Variants in AAK1 observed in about 807,000 individuals in gnomAD.
AAK1 encodes the protein AP2-associated protein kinase 1.
In AAK1, 37 loss-of-function variants were observed where a neutral mutation model predicts 116.0. That is an observed-to-expected ratio of 0.32 (90% CI 0.25 to 0.42). The LOEUF is 0.42. Among genes scored for constraint, AAK1 ranks in the 10% least tolerant of loss-of-function variants. AAK1 has a pLI of 1.00. For synonymous variants in AAK1, 458 were observed against 439.9 expected, an observed-to-expected ratio of 1.04 and a Z score of -0.51; for missense variants, 919 against 1,170.6, an observed-to-expected ratio of 0.79 and a Z score of 3.14.
chr2:69,505,318 T>C (rs930862971), intron 16 of AAK1, among the ~76,000 whole-genome samples: 14 of 152,218 alleles, frequency 9.2e-5, no homozygotes, highest in African/African-American at 3.1e-4. Context: ...AAGTCCTGCA[T>C]ATTACTGCCA....
chr2:69,543,450 CA>C (rs541841203), intron 4 of AAK1, among the ~76,000 whole-genome samples: 78 of 152,226 alleles, frequency 5.1e-4, no homozygotes, highest in African/African-American at 1.8e-3. Flanking sequence ...ACTCTGTTGC[CA>C]GGCTAGAGTG....
intron 2 of AAK1, among the ~76,000 whole-genome samples, chr2:69,567,081 C>A (rs1671905836): frequency 6.6e-6 from 1 of 152,248 alleles, no homozygotes; most frequent in Admixed American, 6.5e-5. Flanking sequence ...CTAGCTCATA[C>A]ACCTCCACCT....
At chr2:69,546,715 C>T (rs1292696766) in intron 3 of AAK1, among the ~76,000 whole-genome samples, 1 of 152,106 alleles carries the variant, frequency 6.6e-6, no homozygotes, top group Non-Finnish European at 1.5e-5. Context: ...ACTTAAATCC[C>T]CAATGCAATC....
chr2:69,638,096 C>T (rs1675528933), intron 2 of AAK1, among the ~76,000 whole-genome samples: 2 of 152,168 alleles, frequency 1.3e-5, no homozygotes, highest in South Asian at 4.1e-4. Flanking sequence ...TGAAAATCTG[C>T]AGTTGCCTCT....
intron 19 of AAK1, among the ~76,000 whole-genome samples, chr2:69,479,900 C>A (rs1675016036): frequency 6.6e-6 from 1 of 152,092 alleles, no homozygotes; most frequent in Non-Finnish European, 1.5e-5. Flanking sequence ...GGATTACAGG[C>A]ATGCGCTACC....
chr2:69,586,110 A>G (rs1306095687), intron 2 of AAK1, among the ~76,000 whole-genome samples: 1 of 152,218 alleles, frequency 6.6e-6, no homozygotes, highest in Admixed American at 6.5e-5. Flanking sequence ...CCGGAGGATT[A>G]TGAACTCATT....
Position 69,514,468 on chromosome 2 carries a change from T to C in AAK1, c.1776+3A>G, listed in dbSNP as rs747911403. On this transcript the variant is annotated splice_donor_region_variant and intron_variant, in intron 13 of 21. Transcript: ENST00000409085. Reference sequence around the variant, plus strand: ...TGTGCTCTGAGCTCTGGTTGATTCTTACCGCTGGCTCCTGGGCAGGGGCTG... The same window carrying C: ...TGTGCTCTGAGCTCTGGTTGATTCTCACCGCTGGCTCCTGGGCAGGGGCTG... 6.5e-7 allele frequency: 1 copy of C among 1,537,424 alleles called. No homozygotes were observed. The highest frequency in any genetic ancestry group is 1.2e-5 in the South Asian group (1 of 81,678).
chr2:69,642,746 C>G (rs1675797633), intron 2 of AAK1, 132 bp downstream of exon 2: 1 of 1,280,708 alleles, frequency 7.8e-7, no homozygotes, highest in Non-Finnish European at 1.1e-6. Flanking sequence ...AGGACAATGA[C>G]TCACAGGGCA....
At chr2:69,519,284 A>G in intron 11 of AAK1, 44 bp from the exon 12 acceptor site, 1 of 1,477,594 alleles carries the variant, frequency 6.8e-7, no homozygotes, top group Middle Eastern at 1.8e-4. Flanking sequence ...AAATGCTTCC[A>G]CACAAAAATG....
chr2:69,538,557 G>C (rs1389819779), intron 5 of AAK1, among the ~76,000 whole-genome samples: 2 of 152,216 alleles, frequency 1.3e-5, no homozygotes, highest in Non-Finnish European at 2.9e-5. Flanking sequence ...TATCATTCAG[G>C]CTTCATTTAA....
chr2:69,628,356 T>C (rs1354369405), intron 2 of AAK1, among the ~76,000 whole-genome samples: 1 of 151,708 alleles, frequency 6.6e-6, no homozygotes, highest in Non-Finnish European at 1.5e-5. Flanking sequence ...CCAATCTCAT[T>C]CTCCCTCCCA....
chr2:69,590,955 C>T (rs1673001623), intron 2 of AAK1, among the ~76,000 whole-genome samples: 1 of 152,190 alleles, frequency 6.6e-6, no homozygotes, highest in Non-Finnish European at 1.5e-5. Flanking sequence ...CATCGAGCAC[C>T]TACTATGGAA....
At chr2:69,606,524 G>A (rs996242464) in intron 2 of AAK1, among the ~76,000 whole-genome samples, 4 of 152,138 alleles carry the variant, frequency 2.6e-5, no homozygotes, top group Non-Finnish European at 5.9e-5. Flanking sequence ...AAAATCTGTA[G>A]GTCACTTGAA....
intron 17 of AAK1, among the ~76,000 whole-genome samples, chr2:69,486,024 G>A (rs570568265): frequency 2.6e-5 from 4 of 151,866 alleles, no homozygotes; most frequent in Admixed American, 2.0e-4. Flanking sequence ...GAACGATCAC[G>A]GCTCACTGCA....
chr2:69,561,820 T>C (rs1671655654), intron 2 of AAK1, among the ~76,000 whole-genome samples: 1 of 152,198 alleles, frequency 6.6e-6, no homozygotes, highest in African/African-American at 2.4e-5. Flanking sequence ...TTGCTTGCTC[T>C]AGAATAAATG....
intron 9 of AAK1, among the ~76,000 whole-genome samples, chr2:69,525,785 A>G (rs1235767602): frequency 6.6e-6 from 1 of 152,176 alleles, no homozygotes; most frequent in Admixed American, 6.6e-5. Context: ...ATGACATAAG[A>G]CTTGTGAGGT....
chr2:69,530,551 G>T, intron 7 of AAK1, 74 bp downstream of exon 7: 2 of 1,243,980 alleles, frequency 1.6e-6, no homozygotes, highest in Non-Finnish European at 2.4e-6. Context: ...CTATAGCGCT[G>T]TGTGCATTAA....
intron 2 of AAK1, among the ~76,000 whole-genome samples, chr2:69,574,217 A>G (rs1028622107): frequency 1.3e-5 from 2 of 151,364 alleles, no homozygotes; most frequent in African/African-American, 4.9e-5. Flanking sequence ...CTAAAAATAC[A>G]AAAATTAGCT....
At chr2:69,563,641 G>A (rs1023727946) in intron 2 of AAK1, among the ~76,000 whole-genome samples, 8 of 152,130 alleles carry the variant, frequency 5.3e-5, no homozygotes, top group African/African-American at 7.2e-5. Context: ...AAGAAAAACC[G>A]CATCCAGGCC....
Sources: allele counts gnomAD v4.1 joint callset (sites outside exome capture counted in the v4.1 genomes callset), GRCh38; gene constraint gnomAD v4.1.1; transcripts MANE v1.5; gene names NCBI Gene and HGNC (gene_info 2026-07-23, HGNC 2026-07-21).